SOX6: variants seen among roughly 807,000 people sequenced by gnomAD.
SOX6 encodes SRY-box transcription factor 6, also known as transcription factor SOX-6.
Under a neutral mutation model 97.8 loss-of-function variants are expected in SOX6, and 11 were observed. The ratio of observed to expected loss-of-function variants is 0.11; its 90% confidence interval spans 0.07 to 0.19. The LOEUF (loss-of-function observed/expected upper bound fraction) is 0.19, where lower values mean the gene tolerates loss of function less well. Among genes scored for constraint, SOX6 ranks in the 10% least tolerant of loss-of-function variants. The pLI, the probability that SOX6 is intolerant of heterozygous loss-of-function variation, is 1.00. For synonymous variants in SOX6, 360 were observed against 371.4 expected, an observed-to-expected ratio of 0.97 and a Z score of 0.35; for missense variants, 810 against 1,039.5, an observed-to-expected ratio of 0.78 and a Z score of 3.04.
intron 4 of SOX6, among the ~76,000 whole-genome samples, chr11:16,583,624 T>TATATATATATATATAC (rs1848058796): frequency 7.2e-6 from 1 of 138,838 alleles, no homozygotes; most frequent in Non-Finnish European, 1.6e-5. Context: ...CATATATATA[T>TATATATATATATATAC]ATATATATAT....
At chr11:16,686,836 A>AC (rs1847972886) in intron 3 of SOX6, among the ~76,000 whole-genome samples, 1 of 152,228 alleles carries the variant, frequency 6.6e-6, no homozygotes, top group Non-Finnish European at 1.5e-5. Context: ...AGTGGCAGGC[A>AC]CCTGTAATCT....
At chr11:16,099,491 C>T (rs1848885623) in intron 7 of SOX6, among the ~76,000 whole-genome samples, 2 of 151,704 alleles carry the variant, frequency 1.3e-5, no homozygotes, top group Non-Finnish European at 2.9e-5. Context: ...TGGACTGCCT[C>T]CTGGAACATT....
chr11:16,243,188 G>C (rs1475654092), intron 3 of SOX6, among the ~76,000 whole-genome samples: 1 of 151,884 alleles, frequency 6.6e-6, no homozygotes, highest in East Asian at 1.9e-4. Flanking sequence ...ATATCTGTCA[G>C]GCACTGTATT....
intron 4 of SOX6, among the ~76,000 whole-genome samples, chr11:16,536,855 C>A (rs1861316518): frequency 6.6e-6 from 1 of 152,234 alleles, no homozygotes; most frequent in Non-Finnish European, 1.5e-5. Context: ...TCTCTATAGG[C>A]TCCACCACTG....
Position 16,319,965 on chromosome 11 carries a change from G to A in SOX6, c.238-1312C>T, listed in dbSNP as rs1855867208. 2.6e-5 allele frequency among the ~76,000 whole-genome samples: 4 copies of A among 152,106 alleles called. No individual in the cohort carries two copies. The South Asian group carries it at 8.3e-4, about 32-fold the overall frequency. On this transcript the variant is annotated intron_variant, in intron 2 of 15. Coordinates refer to ENST00000683767, the MANE Select transcript of SOX6 (RefSeq NM_001367873.1). ...AGGAATTACTTCATAGTATAGAGAA[G>A]TTAGCTAACTGTGAAGAGGTTTAGA...
chr11:16,234,781 G>A, intron 3 of SOX6, 110 bp from the exon 4 acceptor site: 1 of 594,872 alleles, frequency 1.7e-6, no homozygotes, highest in East Asian at 3.1e-5. Context: ...TTTTGTTGCT[G>A]TAGCTTGAAC....
chr11:16,198,596 C>G (rs553618966), intron 4 of SOX6, among the ~76,000 whole-genome samples: 3 of 152,000 alleles, frequency 2.0e-5, no homozygotes, highest in Non-Finnish European at 4.4e-5. Context: ...AATATAATAC[C>G]ACAACTGGTA....
At chr11:16,422,583 G>A (rs907183088) in intron 1 of SOX6, among the ~76,000 whole-genome samples, 2 of 152,038 alleles carry the variant, frequency 1.3e-5, no homozygotes, top group Non-Finnish European at 2.9e-5. Context: ...GAGTTAATTC[G>A]CACTCCCTTC....
chr11:16,073,325 A>G (rs1848268411), intron 9 of SOX6, among the ~76,000 whole-genome samples: 1 of 152,240 alleles, frequency 6.6e-6, no homozygotes, highest in African/African-American at 2.4e-5. Flanking sequence ...CATACTTTAA[A>G]TAAACAACAA....
intron 4 of SOX6, among the ~76,000 whole-genome samples, chr11:16,587,137 T>G (rs942838293): frequency 2.6e-5 from 4 of 152,214 alleles, no homozygotes; most frequent in Admixed American, 2.6e-4. Context: ...TTATCTGGTC[T>G]GTAGATTACC....
intron 6 of SOX6, among the ~76,000 whole-genome samples, chr11:16,132,675 T>A (rs2134025371): frequency 1.3e-5 from 2 of 151,176 alleles, no homozygotes; most frequent in South Asian, 4.2e-4. Flanking sequence ...TCTATATCCC[T>A]CTTGAGCTAT....
At chr11:16,531,268 C>T (rs1305963200) in intron 4 of SOX6, among the ~76,000 whole-genome samples, 3 of 151,210 alleles carry the variant, frequency 2.0e-5, no homozygotes, top group South Asian at 2.1e-4. Context: ...TTAAAACTTG[C>T]CCCTACACAA....
chr11:16,264,216 C>T (rs754250293), intron 3 of SOX6, among the ~76,000 whole-genome samples: 4 of 151,908 alleles, frequency 2.6e-5, no homozygotes, highest in Admixed American at 6.6e-5. Flanking sequence ...TCCATTTGCA[C>T]CCATCATCTC....
chr11:16,024,818 T>C (rs1409419848), intron 12 of SOX6, among the ~76,000 whole-genome samples: 1 of 152,094 alleles, frequency 6.6e-6, no homozygotes, highest in Non-Finnish European at 1.5e-5. Context: ...GGAGATGTTT[T>C]ATGGACCTTT....
chr11:16,312,262 C>T (rs188501778), intron 3 of SOX6: 2 of 152,208 alleles, frequency 1.3e-5, no homozygotes, highest in Admixed American at 1.3e-4. Flanking sequence ...TCACTCTCTC[C>T]TAATCACAAT....
intron 3 of SOX6, among the ~76,000 whole-genome samples, chr11:16,704,573 T>C (rs1249631191): frequency 6.6e-6 from 1 of 152,236 alleles, no homozygotes; most frequent in Non-Finnish European, 1.5e-5. Flanking sequence ...ACTTAGCACA[T>C]GCCAGGTATT....
intron 4 of SOX6, among the ~76,000 whole-genome samples, chr11:16,514,656 A>G (rs1860936843): frequency 6.8e-6 from 1 of 147,866 alleles, no homozygotes; most frequent in Non-Finnish European, 1.5e-5. Context: ...CTAACTCGTC[A>G]TCTAGCATTA....
At chr11:16,560,375 G>A (rs1847794527) in intron 4 of SOX6, among the ~76,000 whole-genome samples, 1 of 151,756 alleles carries the variant, frequency 6.6e-6, no homozygotes, top group Admixed American at 6.6e-5. Flanking sequence ...AATGTAGCAG[G>A]TGCCTTGTAT....
chr11:16,522,725 T>A (rs1861088628), intron 4 of SOX6, among the ~76,000 whole-genome samples: 2 of 152,134 alleles, frequency 1.3e-5, no homozygotes. Context: ...TGTGCTGTAT[T>A]CAGGAAACCC....
Sources: gnomAD v4.1 joint callset for allele counts (sites outside exome capture counted in the v4.1 genomes callset) on GRCh38, gnomAD v4.1.1 for gene constraint, MANE v1.5 for transcripts, NCBI Gene and HGNC (gene_info 2026-07-23, HGNC 2026-07-21) for gene names.